Variants in LRRTM4 observed in about 807,000 individuals in gnomAD.
LRRTM4 encodes the protein leucine rich repeat transmembrane neuronal 4.
Under a neutral mutation model 47.6 loss-of-function variants are expected in LRRTM4, and 25 were observed. The ratio of observed to expected loss-of-function variants is 0.53; its 90% CI spans 0.38 to 0.73. The LOEUF (loss-of-function observed/expected upper bound fraction) is 0.73, where lower values mean the gene tolerates loss of function less well. Among genes scored for constraint, LRRTM4 ranks in the 30% least tolerant of loss-of-function variants. The pLI, the probability that LRRTM4 is intolerant of heterozygous loss-of-function variation, is 0.00. For synonymous variants in LRRTM4, 311 were observed against 269.5 expected (o/e 1.15, Z -1.51); for missense variants, 638 against 713.4 (o/e 0.89, Z 1.20).
chr2:77,079,603 C>A (rs1367283023), intron 3 of LRRTM4, among the ~76,000 whole-genome samples: 3 of 152,100 alleles, frequency 2.0e-5, no homozygotes, highest in Non-Finnish European at 4.4e-5. Context: ...TTCCATTTGG[C>A]CCAATGAAAC....
intron 3 of LRRTM4, among the ~76,000 whole-genome samples, chr2:76,956,886 T>C (rs1414616946): frequency 6.6e-6 from 1 of 151,250 alleles, no homozygotes; most frequent in Non-Finnish European, 1.5e-5. Flanking sequence ...CCAGACTGAA[T>C]TACAAAGAAA....
At chr2:77,436,032 T>C (rs1257665222) in intron 3 of LRRTM4, among the ~76,000 whole-genome samples, 1 of 152,180 alleles carries the variant, frequency 6.6e-6, no homozygotes, top group Non-Finnish European at 1.5e-5. Flanking sequence ...TTAGATAATT[T>C]TGACTCTCCA....
At chr2:77,090,580 C>T (rs924960107) in intron 3 of LRRTM4, among the ~76,000 whole-genome samples, 4 of 152,180 alleles carry the variant, frequency 2.6e-5, no homozygotes, top group Non-Finnish European at 5.9e-5. Flanking sequence ...CTCCAGCACA[C>T]AAGAACTTCC....
intron 3 of LRRTM4, among the ~76,000 whole-genome samples, chr2:76,784,179 A>C (rs1393617727): frequency 2.0e-5 from 3 of 152,160 alleles, no homozygotes; most frequent in Admixed American, 2.0e-4. Flanking sequence ...AAAAGGAAGC[A>C]TAGGTACCAC....
chr2:77,170,840 TTA>T (rs150252583), intron 3 of LRRTM4, among the ~76,000 whole-genome samples: 41 of 149,162 alleles, frequency 2.7e-4, no homozygotes, highest in South Asian at 8.4e-4. Context: ...GTATAAAACC[TTA>T]TATATATATA....
chr2:77,002,960 A>G (rs73940226), intron 3 of LRRTM4, among the ~76,000 whole-genome samples: 9,696 of 152,064 alleles, frequency 0.064, 939 homozygotes, highest in African/African-American at 0.21. Context: ...CCAATCATTT[A>G]TGCTACACAG....
chr2:77,299,247 C>CTATA lies in LRRTM4; in HGVS notation c.1551+219067_1551+219070dup, dbSNP rs767526900. 3.4e-4 allele frequency among the ~76,000 whole-genome samples: 34 copies of CTATA among 100,620 alleles called. No homozygotes were observed. In the East Asian group the frequency reaches 7.8e-3, roughly 23 times the overall value. The allele number at this position is 100,620 out of a possible 152,430, so 66.0% of individuals were successfully genotyped here. On this transcript the variant is annotated intron_variant, in intron 3 of 3. Coordinates refer to ENST00000409884, the MANE Select transcript of LRRTM4 (RefSeq NM_001134745.3). ...TCCTACAATCTCTCTCTCTCTTTATCTATATATATATACACACACACACAC... is the reference window on the plus strand; with the variant it reads ...TCCTACAATCTCTCTCTCTCTTTATCTATATATATATATATACACACACACACAC...
chr2:77,105,391 A>G (rs1339918460), intron 3 of LRRTM4, among the ~76,000 whole-genome samples: 2 of 151,946 alleles, frequency 1.3e-5, no homozygotes, highest in African/African-American at 4.8e-5. Flanking sequence ...CATTCTCAGC[A>G]AACTATCTCA....
At chr2:77,141,268 T>C (rs1394338781) in intron 3 of LRRTM4, among the ~76,000 whole-genome samples, 1 of 152,186 alleles carries the variant, frequency 6.6e-6, no homozygotes, top group Admixed American at 6.5e-5. Context: ...GTGGCATATA[T>C]ACACCATGGA....
At chr2:76,985,552 C>CAG (rs1676765038) in intron 3 of LRRTM4, among the ~76,000 whole-genome samples, 2 of 151,866 alleles carry the variant, frequency 1.3e-5, no homozygotes, top group Admixed American at 6.6e-5. Flanking sequence ...TGAAAGATCT[C>CAG]CTCCTGAGAC....
intron 3 of LRRTM4, among the ~76,000 whole-genome samples, chr2:77,389,379 A>G (rs573680150): frequency 2.0e-5 from 3 of 152,270 alleles, no homozygotes; most frequent in South Asian, 2.1e-4. Flanking sequence ...CTCAGAGCCA[A>G]CACCAAAGAT....
At chr2:77,227,348 T>C (rs1674843047) in intron 3 of LRRTM4, among the ~76,000 whole-genome samples, 1 of 152,074 alleles carries the variant, frequency 6.6e-6, no homozygotes, top group African/African-American at 2.4e-5. Context: ...AATGAGCATA[T>C]TTTGAAAGTT....
At chr2:76,796,449 C>T (rs1675331190) in intron 3 of LRRTM4, among the ~76,000 whole-genome samples, 1 of 132,878 alleles carries the variant, frequency 7.5e-6, no homozygotes, top group Non-Finnish European at 1.6e-5. Flanking sequence ...TGTGGTTCTC[C>T]CAGCATGCAG....
chr2:76,819,753 G>A (rs1361797951), intron 3 of LRRTM4, among the ~76,000 whole-genome samples: 1 of 151,858 alleles, frequency 6.6e-6, no homozygotes, highest in East Asian at 1.9e-4. Flanking sequence ...AATGCCACAG[G>A]GAATTTGCTC....
At chr2:77,167,410 T>C (rs1243148911) in intron 3 of LRRTM4, among the ~76,000 whole-genome samples, 1 of 152,182 alleles carries the variant, frequency 6.6e-6, no homozygotes, top group African/African-American at 2.4e-5. Flanking sequence ...GTCAAGGATC[T>C]AGAACTATAA....
intron 3 of LRRTM4, among the ~76,000 whole-genome samples, chr2:77,421,636 G>A (rs889838273): frequency 5.3e-5 from 8 of 151,648 alleles, no homozygotes; most frequent in Admixed American, 5.3e-4. Flanking sequence ...GAACCCGGGA[G>A]GCGGAGCTTG....
intron 3 of LRRTM4, among the ~76,000 whole-genome samples, chr2:77,056,525 CA>C (rs1305015875): frequency 6.6e-6 from 1 of 151,116 alleles, no homozygotes; most frequent in African/African-American, 2.4e-5. Flanking sequence ...GGCTTAAAAT[CA>C]ATAAAAGGAT....
chr2:77,000,554 A>C (rs1677382575), intron 3 of LRRTM4, among the ~76,000 whole-genome samples: 2 of 152,174 alleles, frequency 1.3e-5, no homozygotes, highest in South Asian at 4.1e-4. Context: ...CATACTGCAA[A>C]GGCACAGTAT....
intron 3 of LRRTM4, among the ~76,000 whole-genome samples, chr2:77,278,648 AG>A (rs1305714691): frequency 4.6e-5 from 7 of 152,004 alleles, no homozygotes; most frequent in African/African-American, 1.2e-4. Context: ...GTTAGAGCAA[AG>A]GGGCCATTTA....
Sources: allele counts gnomAD v4.1 joint callset (sites outside exome capture counted in the v4.1 genomes callset), GRCh38; gene constraint gnomAD v4.1.1; transcripts MANE v1.5; gene names NCBI Gene and HGNC (gene_info 2026-07-23, HGNC 2026-07-21).